SFXN5: variants seen among roughly 807,000 people sequenced by gnomAD.
The protein encoded by SFXN5 is sideroflexin-5.
A neutral mutation model predicts 50.2 loss-of-function variants in SFXN5; 43 were observed. The observed-to-expected ratio is 0.86, with a 90% CI of 0.67 to 1.11. The LOEUF is 1.11. Ranked by LOEUF, SFXN5 falls within the 50% of genes least tolerant of loss-of-function variation. The pLI, the probability that SFXN5 is intolerant of heterozygous loss-of-function variation, is 0.00. For synonymous variants in SFXN5, 203 were observed against 185.8 expected (o/e 1.09, Z -0.75); for missense variants, 463 against 454.1 (o/e 1.02, Z -0.18).
chr2:72,980,849 CCCCCTCCTGCATT>C (rs1671212775), intron 10 of SFXN5, among the ~76,000 whole-genome samples: 1 of 151,672 alleles, frequency 6.6e-6, no homozygotes, highest in African/African-American at 2.4e-5. Context: ...AGGCCCCCTG[CCCCCTCCTGCATT>C]CCCCTCCTGC....
At chr2:73,048,521 T>G (rs1448737629) in intron 2 of SFXN5, among the ~76,000 whole-genome samples, 1 of 152,234 alleles carries the variant, frequency 6.6e-6, no homozygotes, top group Non-Finnish European at 1.5e-5. Context: ...CGGCCAGTCA[T>G]CCCAATATTG....
chr2:73,071,554 C>A (rs370686808), intron 1 of SFXN5, 50 bp downstream of exon 1: 37 of 1,558,054 alleles, frequency 2.4e-5, no homozygotes, highest in East Asian at 1.4e-4. Context: ...GGAGTTTGCT[C>A]GTCCTCTCTT....
At chr2:73,058,746 C>A (rs1682467795) in intron 1 of SFXN5, 150 bp from the exon 2 acceptor site, 1 of 703,162 alleles carries the variant, frequency 1.4e-6, no homozygotes, top group Non-Finnish European at 2.4e-6. Context: ...CCTCAGAAAT[C>A]TAAGGACAGC....
At chr2:73,037,134 C>T (rs1246543929) in intron 3 of SFXN5, among the ~76,000 whole-genome samples, 4 of 152,244 alleles carry the variant, frequency 2.6e-5, no homozygotes, top group African/African-American at 9.6e-5. Flanking sequence ...CCTCGATCTC[C>T]AGCACAGTGT....
At chr2:73,068,820 G>A (rs1015436365) in intron 1 of SFXN5, among the ~76,000 whole-genome samples, 3 of 151,616 alleles carry the variant, frequency 2.0e-5, no homozygotes, top group Admixed American at 6.6e-5. Context: ...TGCAGTAAGC[G>A]AACACTCAAA....
At chr2:73,026,242 C>T (rs1403812375) in intron 3 of SFXN5, among the ~76,000 whole-genome samples, 1 of 151,258 alleles carries the variant, frequency 6.6e-6, no homozygotes, top group Non-Finnish European at 1.5e-5. Context: ...ATTCTTGTGC[C>T]TCAGCCTCCC....
At chr2:73,067,446 G>A (rs560964534) in intron 1 of SFXN5, among the ~76,000 whole-genome samples, 49 of 152,310 alleles carry the variant, frequency 3.2e-4, no homozygotes, top group African/African-American at 1.1e-3. Flanking sequence ...ATGTACCAAT[G>A]TTAGTTTCTT....
At chr2:73,000,308 T>C (rs1365196807) in intron 8 of SFXN5, 123 bp downstream of exon 8, 2 of 903,146 alleles carry the variant, frequency 2.2e-6, no homozygotes, top group Non-Finnish European at 3.4e-6. Context: ...AAATAAGATA[T>C]CTAGAGGAGG....
intron 12 of SFXN5, among the ~76,000 whole-genome samples, chr2:72,963,267 A>T (rs1226730117): frequency 6.6e-6 from 1 of 152,122 alleles, no homozygotes; most frequent in Non-Finnish European, 1.5e-5. Context: ...AAAGAAAGAG[A>T]GACGCTACCC....
intron 10 of SFXN5, among the ~76,000 whole-genome samples, chr2:72,985,935 C>T (rs908787555): frequency 6.6e-6 from 1 of 152,190 alleles, no homozygotes; most frequent in Non-Finnish European, 1.5e-5. Context: ...GCCAGTAGGG[C>T]TGGAATGGGC....
chr2:73,019,515 G>A (rs552767525), intron 6 of SFXN5: 19 of 144,400 alleles, frequency 1.3e-4, no homozygotes, highest in African/African-American at 3.6e-4. Flanking sequence ...TGAAAGCTCC[G>A]CCTCCCGGGT....
intron 2 of SFXN5, among the ~76,000 whole-genome samples, chr2:73,057,744 T>G (rs1682330516): frequency 1.3e-5 from 2 of 152,184 alleles, no homozygotes; most frequent in South Asian, 4.1e-4. Context: ...GGTGATTGAA[T>G]GATGGGGATG....
intron 13 of SFXN5, among the ~76,000 whole-genome samples, chr2:72,946,012 C>T (rs953968566): frequency 6.6e-6 from 1 of 152,050 alleles, no homozygotes; most frequent in Non-Finnish European, 1.5e-5. Flanking sequence ...CCTCAGCTTC[C>T]CATCATCAAA....
intron 6 of SFXN5, among the ~76,000 whole-genome samples, chr2:73,012,338 T>TTAAAATAAAAAAATTCTTTTAAA (rs1675610674): frequency 2.0e-5 from 3 of 152,170 alleles, no homozygotes; most frequent in Non-Finnish European, 4.4e-5. Flanking sequence ...AAATATTCTT[T>TTAAAATAAAAAAATTCTTTTAAA]ATAAAACATT....
At chr2:72,964,437 CCA>C (rs1366881182) in intron 12 of SFXN5, among the ~76,000 whole-genome samples, 2 of 152,182 alleles carry the variant, frequency 1.3e-5, no homozygotes, top group Admixed American at 6.5e-5. Flanking sequence ...ATGCAAAGCC[CCA>C]ACAAACAAGG....
At chr2:72,987,951 A>C (rs1210943256) in intron 10 of SFXN5, among the ~76,000 whole-genome samples, 1 of 152,246 alleles carries the variant, frequency 6.6e-6, no homozygotes, top group Non-Finnish European at 1.5e-5. Flanking sequence ...GTTAAAATGC[A>C]GTTAGAGGTT....
chr2:72,987,842 T>C (rs953013067), intron 10 of SFXN5, among the ~76,000 whole-genome samples: 7 of 152,230 alleles, frequency 4.6e-5, no homozygotes, highest in Non-Finnish European at 8.8e-5. Context: ...GTAACAACTG[T>C]AATGTGCCAT....
At chr2:73,018,797 T>C (rs1676479462) in intron 6 of SFXN5, among the ~76,000 whole-genome samples, 2 of 152,234 alleles carry the variant, frequency 1.3e-5, no homozygotes, top group South Asian at 4.1e-4. Context: ...TATGTGGTCA[T>C]ATAGTAAGTG....
rs1678375287 is a variant in SFXN5, at chr2:73,032,082, AT to A, written c.249+8771del. Among the ~76,000 whole-genome samples the A allele has an allele frequency of 5.9e-5, 9 of 152,282 alleles. No individual in the cohort carries two copies. In the South Asian group the frequency reaches 1.9e-3, roughly 32 times the overall value. ...TCAGATGCAAAAATGGCAGCAGGTA[AT>A]GTACCACCCACAAGCCAAGAGCTGG... On this transcript the variant is annotated intron_variant, in intron 3 of 13. Transcript: ENST00000272433.
Sources: gnomAD v4.1 joint callset for allele counts (sites outside exome capture counted in the v4.1 genomes callset) on GRCh38, gnomAD v4.1.1 for gene constraint, MANE v1.5 for transcripts, NCBI Gene and HGNC (gene_info 2026-07-23, HGNC 2026-07-21) for gene names.